Variants in EFCAB7 observed in about 807,000 individuals in gnomAD.
EFCAB7 encodes EF-hand calcium-binding domain-containing protein 7.
EFCAB7 carries 66 observed loss-of-function variants against 77.1 expected under a neutral mutation model. That is an observed-to-expected ratio of 0.86 (90% CI 0.70 to 1.05). EFCAB7 has a LOEUF of 1.05. EFCAB7 is among the 50% of genes least tolerant of loss of function. The pLI is 0.00. For synonymous variants in EFCAB7, 225 were observed against 243.3 expected, an observed-to-expected ratio of 0.92 and a Z score of 0.70; for missense variants, 638 against 730.5, an observed-to-expected ratio of 0.87 and a Z score of 1.46.
At chr1:63,554,436 TTCAAGTGATTC>T (rs1355516118) in intron 8 of EFCAB7, among the ~76,000 whole-genome samples, 2 of 152,076 alleles carry the variant, frequency 1.3e-5, no homozygotes, top group African/African-American at 4.8e-5. Flanking sequence ...CACCTCCGGG[TTCAAGTGATTC>T]TCCTGCCTCA....
rs779626990 is a variant in EFCAB7 at position 63,531,869 on chromosome 1, T to C, written c.237T>C (p.Tyr79=). 1.4e-5 allele frequency: 22 copies of C among 1,613,212 alleles called. No individual in the cohort carries two copies. The highest frequency in any genetic ancestry group is 1.3e-4 in the African/African-American group (10 of 74,884). The change falls in exon 3 of 14, where the codon TAT becomes TAC. Residue 79 remains tyrosine (Y), a synonymous_variant. Coordinates refer to ENST00000371088, the MANE Select transcript of EFCAB7 (RefSeq NM_032437.4). ...CATCCCAAAAGACCATTAATAAGTATTGGACTCCTCAAACTGCCAAACTGA... is the reference window on the plus strand; with the variant it reads ...CATCCCAAAAGACCATTAATAAGTACTGGACTCCTCAAACTGCCAAACTGA... ...RNPSQKTINK[Y]WTPQTAKLNF...
At chr1:63,548,278 G>A (rs1008271509) in intron 7 of EFCAB7, 2 of 152,220 alleles carry the variant, frequency 1.3e-5, no homozygotes, top group African/African-American at 4.8e-5. Flanking sequence ...ACAAAATCAG[G>A]AAGAGGTTTC....
chr1:63,574,240 G>A (rs966682939), downstream of EFCAB7, among the ~76,000 whole-genome samples: 4 of 152,152 alleles, frequency 2.6e-5, no homozygotes, highest in South Asian at 2.1e-4. Flanking sequence ...ACTGAGAAGT[G>A]ATTTCCTTGA....
chr1:63,545,164 A>G (rs192461703), intron 6 of EFCAB7, among the ~76,000 whole-genome samples: 406 of 150,060 alleles, frequency 2.7e-3, no homozygotes, highest in African/African-American at 9.5e-3. Context: ...TGATCCACCC[A>G]CCTCAGCCTC....
chr1:63,533,133 T>C (rs1483616530), intron 4 of EFCAB7, among the ~76,000 whole-genome samples: 1 of 152,178 alleles, frequency 6.6e-6, no homozygotes. Flanking sequence ...AATGTACTTT[T>C]TCTGGGGTGG....
At chr1:63,579,455 T>A in the EFCAB7 span, among the ~76,000 whole-genome samples, 3 of 152,254 alleles carry the variant, frequency 2.0e-5, no homozygotes, top group Non-Finnish European at 2.9e-5. Context: ...TATGCATTCA[T>A]CTGCTGGGTG....
chr1:63,561,636 TATATC>T (rs1181398703), intron 10 of EFCAB7, 68 bp from the exon 11 acceptor site: 9 of 914,182 alleles, frequency 9.8e-6, no homozygotes, highest in African/African-American at 5.1e-5. Flanking sequence ...TGAATAATAA[TATATC>T]ATAGACATTT....
intron 7 of EFCAB7, chr1:63,550,660 G>A (rs1182474914): frequency 6.6e-6 from 1 of 151,868 alleles, no homozygotes; most frequent in Non-Finnish European, 1.5e-5. Flanking sequence ...GAAAGTAGAT[G>A]GAAGGATACG....
chr1:63,572,505 C>T lies in EFCAB7; in HGVS notation c.1879C>T (p.Leu627Phe), dbSNP rs1369800649. 6.7e-7 allele frequency: 1 copy of T among 1,485,542 alleles called. No individual in the cohort carries two copies. The allele number at this position is 1,485,542 out of a possible 1,614,324, so 92.0% of individuals were successfully genotyped here. The change falls in exon 14 of 14, where the codon CTT becomes TTT. Residue 627 changes from leucine to phenylalanine, a missense_variant. Coordinates refer to ENST00000371088, the MANE Select transcript of EFCAB7 (RefSeq NM_032437.4). ...QEWIYYCIYS[L>F]IS is the part of the protein sequence containing the mutation. Reference sequence around the variant, plus strand: ...ATGGATATATTATTGTATATATTCTCTTATTTCTTAAATAATTATACTTAG... The same window carrying T: ...ATGGATATATTATTGTATATATTCTTTTATTTCTTAAATAATTATACTTAG...
chr1:63,569,869 C>CTT (rs1647215876), intron 12 of EFCAB7: 1 of 152,144 alleles, frequency 6.6e-6, no homozygotes, highest in African/African-American at 2.4e-5. Context: ...CCTTTCTGCC[C>CTT]TCTATGTTTT....
the EFCAB7 span, among the ~76,000 whole-genome samples, chr1:63,581,200 G>C: frequency 6.6e-6 from 1 of 152,032 alleles, no homozygotes; most frequent in African/African-American, 2.4e-5. Context: ...TATGTTAGCT[G>C]TGGATGTTTT....
intron 6 of EFCAB7, among the ~76,000 whole-genome samples, chr1:63,540,529 C>T (rs957672132): frequency 1.3e-5 from 2 of 151,990 alleles, no homozygotes; most frequent in African/African-American, 2.4e-5. Flanking sequence ...GACTCTAGAC[C>T]TAATATTGCT....
the EFCAB7 span, among the ~76,000 whole-genome samples, chr1:63,577,907 G>A: frequency 6.6e-6 from 1 of 152,146 alleles, no homozygotes; most frequent in Non-Finnish European, 1.5e-5. Context: ...AGTTTAGTTT[G>A]AAGCTAAGTA....
the EFCAB7 span, among the ~76,000 whole-genome samples, chr1:63,577,942 GTAATA>G: frequency 2.0e-5 from 3 of 152,104 alleles, no homozygotes; most frequent in African/African-American, 7.2e-5. Context: ...TTTTACTCAT[GTAATA>G]TAATGTATTT....
Position 63,531,919 on chromosome 1 carries a change from T to G in EFCAB7, c.287T>G (p.Leu96Ter). Residue 96 changes from leucine to a stop codon, truncating the protein, a stop_gained, in exon 3 of 14, where the codon TTA (leucine) becomes TGA (stop). Coordinates refer to ENST00000371088, the MANE Select transcript of EFCAB7 (RefSeq NM_032437.4). LOFTEE classifies it high-confidence loss of function. The stretch of plus-strand genomic sequence containing the variant: ...AATTTTGATGATTTTTGTATAATTT[T>G]AAGGAAGGAAAAACCTACTTCAAAA... ...KLNFDDFCIILRKEKPTSKAE... is the reference protein window; with the variant it reads ...KLNFDDFCII 6.2e-7 allele frequency: 1 copy of G among 1,613,282 alleles called. No homozygotes were observed. Among genetic ancestry groups the G allele is most frequent in the Non-Finnish European group, 8.5e-7 (1 of 1,179,478 alleles).
At chr1:63,573,246 G>A (rs2100934063), downstream of EFCAB7, among the ~76,000 whole-genome samples, 1 of 152,264 alleles carries the variant, frequency 6.6e-6, no homozygotes, top group South Asian at 2.1e-4. Context: ...GGTGGCGTGG[G>A]AACCTAGAGT....
In EFCAB7 at chr1:63,545,930, G is replaced by T. The variant is rs753616062; in HGVS notation, c.819G>T (p.Met273Ile). Residue 273 changes from methionine (M) to isoleucine (I), a missense_variant, in exon 7 of 14, where the codon ATG becomes ATT. Coordinates refer to ENST00000371088, the MANE Select transcript of EFCAB7 (RefSeq NM_032437.4). ...CTTCATTTCAGGACTGGCAACACATGCAATCAAAAGGTTGCTTCTTCTTAG... is the reference window on the plus strand; with the variant it reads ...CTTCATTTCAGGACTGGCAACACATTCAATCAAAAGGTTGCTTCTTCTTAG... ...EPNLIKDWQH[M>I]QSKGCFFLEE... 1.4e-5 allele frequency: 23 copies of T among 1,613,196 alleles called. No homozygotes were observed. Among genetic ancestry groups the T allele is most frequent in the Non-Finnish European group, 1.8e-5 (21 of 1,179,768 alleles).
rs751450719 is a variant in EFCAB7 at position 63,557,164 on chromosome 1, T to G, written c.1265T>G (p.Leu422Arg). The G allele has an allele frequency of 1.9e-6, 3 of 1,606,076 alleles. No individual in the cohort carries two copies. Among genetic ancestry groups the G allele is most frequent in the Non-Finnish European group, 2.5e-6 (3 of 1,177,332 alleles). ...FEVIDLDGNG[L>R]LSLEEYNFFE... ...GTAATTGATTTAGATGGAAATGGTC[T>G]TCTTAGCCTTGAAGAATATAATTTT... Residue 422 changes from leucine to arginine, a missense_variant, in exon 10 of 14, where the codon CTT becomes CGT. Physicochemically the swap from Leu to Arg is moderately radical, Grantham distance 102. Coordinates refer to ENST00000371088, the MANE Select transcript of EFCAB7 (RefSeq NM_032437.4).
At chr1:63,583,637 A>AT in the EFCAB7 span, among the ~76,000 whole-genome samples, 5 of 152,286 alleles carry the variant, frequency 3.3e-5, no homozygotes, top group African/African-American at 4.8e-5. Context: ...GTGGAAAGGA[A>AT]TGTCAACGCT....
Sources: gnomAD v4.1 joint callset for allele counts (sites outside exome capture counted in the v4.1 genomes callset) on GRCh38, gnomAD v4.1.1 for gene constraint, MANE v1.5 for transcripts, NCBI Gene and HGNC (gene_info 2026-07-23, HGNC 2026-07-21) for gene names.